The following ARHGAP10 variants were observed in gnomAD, a reference collection of about 807,000 sequenced individuals.
ARHGAP10 encodes the protein Rho GTPase activating protein 10, also known as rho GTPase-activating protein 10.
A neutral mutation model predicts 108.6 loss-of-function variants in ARHGAP10; 87 were observed. That is an observed-to-expected ratio of 0.80 (90% CI 0.67 to 0.96). The LOEUF is 0.96. ARHGAP10 is among the 40% of genes least tolerant of loss of function. ARHGAP10 has a pLI of 0.00. For synonymous variants in ARHGAP10, 347 were observed against 341.1 expected, an observed-to-expected ratio of 1.02 and a Z score of -0.19; for missense variants, 939 against 954.5, an observed-to-expected ratio of 0.98 and a Z score of 0.21.
chr4:147,899,037 A>G (rs555316912), intron 10 of ARHGAP10, among the ~76,000 whole-genome samples: 1 of 152,278 alleles, frequency 6.6e-6, no homozygotes, highest in East Asian at 1.9e-4. Context: ...TAGGACACAG[A>G]GTAGGTGGAT....
intron 1 of ARHGAP10, among the ~76,000 whole-genome samples, chr4:147,783,603 G>A (rs1014424627): frequency 3.4e-5 from 5 of 145,174 alleles, no homozygotes; most frequent in Admixed American, 2.1e-4. Context: ...ATTAAATTGT[G>A]TATTGTATAA....
At chr4:147,927,875 G>T (rs574043973) in intron 13 of ARHGAP10, among the ~76,000 whole-genome samples, 8 of 152,180 alleles carry the variant, frequency 5.3e-5, no homozygotes, top group African/African-American at 1.9e-4. Flanking sequence ...CTGGGATCGG[G>T]AGACCTCTGG....
At chr4:147,943,624 A>G (rs1445658219) in intron 14 of ARHGAP10, among the ~76,000 whole-genome samples, 2 of 152,216 alleles carry the variant, frequency 1.3e-5, no homozygotes, top group Admixed American at 6.5e-5. Context: ...AACTCTTTTT[A>G]TCTGTGCTTG....
At chr4:147,951,944 C>T (rs995181547) in intron 15 of ARHGAP10, among the ~76,000 whole-genome samples, 1 of 152,182 alleles carries the variant, frequency 6.6e-6, no homozygotes, top group African/African-American at 2.4e-5. Context: ...ATCTCTCTCA[C>T]ACCCTACGGA....
chr4:147,979,431 C>T (rs1739725424), intron 18 of ARHGAP10, among the ~76,000 whole-genome samples: 1 of 152,088 alleles, frequency 6.6e-6, no homozygotes, highest in South Asian at 2.1e-4. Context: ...TGTGCCCATA[C>T]TATGCTGTTT....
chr4:148,071,435 G>T (rs1195212501), intron 22 of ARHGAP10, among the ~76,000 whole-genome samples: 1 of 152,188 alleles, frequency 6.6e-6, no homozygotes. Context: ...GGCCAATGTG[G>T]TGAAACCCCA....
In ARHGAP10 at chr4:147,747,524, A is replaced by G. The variant is rs142807246; in HGVS notation, c.154+15069A>G. ...TTCAGGGCTGGACACCCTGACCGCC[A>G]TGGAGGTGGCCACACAGCATCCCTT... On this transcript the variant is annotated intron_variant, in intron 1 of 22. Transcript: ENST00000336498. Among the ~76,000 whole-genome samples the G allele has an allele frequency of 6.6e-3, 1,012 of 152,300 alleles. 16 individuals carry two copies. Among genetic ancestry groups the G allele is most frequent in the African/African-American group, 0.023 (973 of 41,576 alleles).
intron 3 of ARHGAP10, among the ~76,000 whole-genome samples, chr4:147,836,949 T>C (rs1733193006): frequency 2.0e-5 from 3 of 152,140 alleles, no homozygotes. Flanking sequence ...AAAATAGAAC[T>C]AGTTAGGGCA....
intron 16 of ARHGAP10, among the ~76,000 whole-genome samples, chr4:147,961,418 C>A (rs974666358): frequency 5.9e-5 from 9 of 151,884 alleles, no homozygotes; most frequent in Admixed American, 1.3e-4. Flanking sequence ...GTTTGTAGTT[C>A]TTTCTAATCT....
At chr4:147,951,233 C>T (rs1002283823) in intron 15 of ARHGAP10, among the ~76,000 whole-genome samples, 8 of 151,968 alleles carry the variant, frequency 5.3e-5, no homozygotes, top group Admixed American at 5.2e-4. Flanking sequence ...CTCATTCCCC[C>T]CCTCCCTCGA....
At chr4:147,825,493 T>C (rs1732672022) in intron 3 of ARHGAP10, among the ~76,000 whole-genome samples, 1 of 151,996 alleles carries the variant, frequency 6.6e-6, no homozygotes, top group Admixed American at 6.6e-5. Flanking sequence ...AGCCCTAATA[T>C]AATTTGCACT....
At chr4:147,990,528 G>A (rs1740228252) in intron 18 of ARHGAP10, among the ~76,000 whole-genome samples, 1 of 152,146 alleles carries the variant, frequency 6.6e-6, no homozygotes, top group African/African-American at 2.4e-5. Context: ...GGAGTCTTTC[G>A]ATGGAATCAA....
chr4:147,936,658 C>T (rs1044762208), intron 13 of ARHGAP10, among the ~76,000 whole-genome samples: 8 of 152,122 alleles, frequency 5.3e-5, no homozygotes, highest in African/African-American at 1.7e-4. Context: ...GCTGAATGTT[C>T]GCCCTCAGGA....
chr4:147,962,228 C>A (rs1300182778), intron 16 of ARHGAP10, among the ~76,000 whole-genome samples: 1 of 152,174 alleles, frequency 6.6e-6, no homozygotes, highest in Non-Finnish European at 1.5e-5. Context: ...AAACACTGCT[C>A]GTCTCTGCCT....
At chr4:148,040,264 T>G (rs1728573284) in intron 19 of ARHGAP10, among the ~76,000 whole-genome samples, 1 of 152,226 alleles carries the variant, frequency 6.6e-6, no homozygotes, top group Admixed American at 6.5e-5. Context: ...TATTTCCACA[T>G]GAAGAGCCTG....
At chr4:147,882,008 C>G (rs1735348722) in intron 10 of ARHGAP10, 76 bp downstream of exon 10, 1 of 1,335,468 alleles carries the variant, frequency 7.5e-7, no homozygotes, top group Admixed American at 1.8e-5. Flanking sequence ...AGGTTAGTTG[C>G]AACTGTGATT....
At chr4:147,782,969 A>C (rs1730605835) in intron 1 of ARHGAP10, among the ~76,000 whole-genome samples, 1 of 141,086 alleles carries the variant, frequency 7.1e-6, no homozygotes, top group Non-Finnish European at 1.5e-5. Flanking sequence ...ATAATATATT[A>C]AATTATATAT....
At chr4:147,923,359 T>C (rs1023442891) in intron 13 of ARHGAP10, among the ~76,000 whole-genome samples, 9 of 152,218 alleles carry the variant, frequency 5.9e-5, no homozygotes, top group Non-Finnish European at 1.3e-4. Context: ...GCATGACACC[T>C]AGGTGCATGT....
At chr4:147,872,045 T>C (rs1227104198) in intron 7 of ARHGAP10, among the ~76,000 whole-genome samples, 1 of 141,788 alleles carries the variant, frequency 7.1e-6, no homozygotes, top group African/African-American at 2.7e-5. Flanking sequence ...GAGGCTGCAG[T>C]GAACTGGGAT....
Sources: gnomAD v4.1 joint callset for allele counts (sites outside exome capture counted in the v4.1 genomes callset) on GRCh38, gnomAD v4.1.1 for gene constraint, MANE v1.5 for transcripts, NCBI Gene and HGNC (gene_info 2026-07-23, HGNC 2026-07-21) for gene names.